DTD1: variants seen among roughly 807,000 people sequenced by gnomAD.
The protein encoded by DTD1 is D-aminoacyl-tRNA deacylase 1.
A neutral mutation model predicts 25.6 loss-of-function variants in DTD1; 13 were observed. That is an observed-to-expected ratio of 0.51 (90% CI 0.33 to 0.81). The LOEUF (loss-of-function observed/expected upper bound fraction) is 0.81, where lower values mean the gene tolerates loss of function less well. DTD1 is among the 30% of genes least tolerant of loss of function. The pLI is 0.02. For synonymous variants in DTD1, 110 were observed against 103.6 expected (o/e 1.06, Z -0.37); for missense variants, 193 against 266.4 (o/e 0.72, Z 1.92).
At chr20:18,713,838 C>T (rs1181217647) in intron 4 of DTD1, among the ~76,000 whole-genome samples, 1 of 152,232 alleles carries the variant, frequency 6.6e-6, no homozygotes, top group Non-Finnish European at 1.5e-5. Flanking sequence ...GTTATACCCT[C>T]ATTTTGCTCT....
At chr20:18,741,346 T>C (rs2061277378) in intron 4 of DTD1, among the ~76,000 whole-genome samples, 1 of 152,236 alleles carries the variant, frequency 6.6e-6, no homozygotes, top group Non-Finnish European at 1.5e-5. Context: ...CACAATACTT[T>C]GCTGATGAAG....
At chr20:18,751,218 C>T (rs1430881165) in intron 5 of DTD1, among the ~76,000 whole-genome samples, 1 of 152,150 alleles carries the variant, frequency 6.6e-6, no homozygotes, top group Admixed American at 6.5e-5. Context: ...ATTCTCATGT[C>T]CATGTGCTGG....
chr20:18,703,718 A>G (rs1600380233), intron 4 of DTD1, among the ~76,000 whole-genome samples: 2 of 119,574 alleles, frequency 1.7e-5, no homozygotes, highest in African/African-American at 6.8e-5. Context: ...CTGCTTTTTC[A>G]TAGTATTCAG....
At chr20:18,589,841 C>G (rs1328653576) in intron 1 of DTD1, among the ~76,000 whole-genome samples, 2 of 152,148 alleles carry the variant, frequency 1.3e-5, no homozygotes, top group African/African-American at 2.4e-5. Flanking sequence ...TTAAAACAAC[C>G]AAACCTGCAT....
chr20:18,730,438 C>A (rs1237923253), intron 4 of DTD1, among the ~76,000 whole-genome samples: 1 of 152,182 alleles, frequency 6.6e-6, no homozygotes. Flanking sequence ...TAAAATATTC[C>A]TTTCCTCAAA....
At chr20:18,689,948 GGCAACTT>G (rs1425754759) in intron 4 of DTD1, among the ~76,000 whole-genome samples, 1 of 151,078 alleles carries the variant, frequency 6.6e-6, no homozygotes, top group African/African-American at 2.4e-5. Context: ...ACCAGCCTGG[GGCAACTT>G]AGCGAGACCT....
chr20:18,631,082 A>G (rs1218522718), intron 4 of DTD1: 5 of 985,416 alleles, frequency 5.1e-6, no homozygotes, highest in Non-Finnish European at 6.0e-6. Context: ...GCTCATTCAC[A>G]GCAGACAGCT....
intron 4 of DTD1, among the ~76,000 whole-genome samples, chr20:18,702,059 A>G (rs2122460510): frequency 6.6e-6 from 1 of 152,342 alleles, no homozygotes; most frequent in East Asian, 1.9e-4. Context: ...AATCTGTTGC[A>G]TAATAAATAT....
intron 4 of DTD1, among the ~76,000 whole-genome samples, chr20:18,673,363 T>C (rs2060957848): frequency 6.6e-6 from 1 of 152,216 alleles, no homozygotes; most frequent in East Asian, 1.9e-4. Flanking sequence ...TATTTTCTTT[T>C]GTGACTGCTA....
intron 4 of DTD1, among the ~76,000 whole-genome samples, chr20:18,644,853 G>C (rs995024571): frequency 6.6e-6 from 1 of 152,102 alleles, no homozygotes; most frequent in Non-Finnish European, 1.5e-5. Flanking sequence ...TTATTCAACC[G>C]TGGCGTATGG....
chr20:18,607,593 G>A (rs182737336), intron 3 of DTD1, among the ~76,000 whole-genome samples: 7 of 152,266 alleles, frequency 4.6e-5, no homozygotes, highest in Admixed American at 4.6e-4. Context: ...TTCCTTAAAT[G>A]TTTGATAGAA....
At chr20:18,613,754 G>A (rs188844654) in intron 3 of DTD1, among the ~76,000 whole-genome samples, 2 of 152,322 alleles carry the variant, frequency 1.3e-5, no homozygotes, top group Admixed American at 6.5e-5. Context: ...TTGCTAAGGT[G>A]GTGGCTGCAC....
chr20:18,650,730 G>C (rs2060871023), intron 4 of DTD1, among the ~76,000 whole-genome samples: 1 of 152,196 alleles, frequency 6.6e-6, no homozygotes, highest in Non-Finnish European at 1.5e-5. Flanking sequence ...GCTATTTGCT[G>C]TGTAAGGTTG....
chr20:18,632,114 G>A, intron 4 of DTD1: 1 of 957,656 alleles, frequency 1.0e-6, no homozygotes, highest in Non-Finnish European at 1.2e-6. Flanking sequence ...TTCACTATGT[G>A]TATGTAGATC....
chr20:18,659,173 G>A (rs1322620276), intron 4 of DTD1, among the ~76,000 whole-genome samples: 4 of 152,150 alleles, frequency 2.6e-5, no homozygotes, highest in Non-Finnish European at 4.4e-5. Context: ...CCTCAAGAAA[G>A]TTTTAGAAAA....
chr20:18,629,447 T>C (rs2060774396), intron 4 of DTD1, among the ~76,000 whole-genome samples: 1 of 151,634 alleles, frequency 6.6e-6, no homozygotes, highest in Admixed American at 6.6e-5. Context: ...ACTACAGGCA[T>C]ACGCTACCAT....
At chr20:18,622,615 TG>T (rs2060739227) in intron 3 of DTD1, among the ~76,000 whole-genome samples, 1 of 152,216 alleles carries the variant, frequency 6.6e-6, no homozygotes, top group South Asian at 2.1e-4. Context: ...TCCCAAGTGT[TG>T]TTAGTGTAGA....
chr20:18,722,240 G>T (rs1023638651), intron 4 of DTD1, among the ~76,000 whole-genome samples: 1 of 152,226 alleles, frequency 6.6e-6, no homozygotes, highest in Non-Finnish European at 1.5e-5. Context: ...GTAGTCTGTG[G>T]GCATGGGGTT....
chr20:18,590,653 A>G (rs1030325663), intron 1 of DTD1, among the ~76,000 whole-genome samples: 22 of 151,934 alleles, frequency 1.4e-4, no homozygotes, highest in African/African-American at 2.9e-4. Flanking sequence ...TTGTATTTTT[A>G]GTGGAGACAG....
Sources: allele counts gnomAD v4.1 joint callset (sites outside exome capture counted in the v4.1 genomes callset), GRCh38; gene constraint gnomAD v4.1.1; transcripts MANE v1.5; gene names NCBI Gene and HGNC (gene_info 2026-07-23, HGNC 2026-07-21).